Variants in ZFX observed in about 807,000 individuals in gnomAD.
ZFX encodes zinc finger protein X-linked.
For synonymous variants in ZFX, 196 were observed against 226.8 expected, an observed-to-expected ratio of 0.86 and a Z score of 1.22; for missense variants, 362 against 628.3, an observed-to-expected ratio of 0.58 and a Z score of 4.53.
chrX:24,180,389 T>C (rs1462828534), intron 5 of ZFX, among the ~76,000 whole-genome samples: 4 of 109,248 alleles, frequency 3.7e-5, no homozygotes, highest in Non-Finnish European at 7.6e-5. Context: ...CTTACTTTTT[T>C]TTTTTTTTCG....
At chrX:24,200,500 C>T (rs926089783) in intron 5 of ZFX, among the ~76,000 whole-genome samples, 4 of 111,711 alleles carry the variant, frequency 3.6e-5, no homozygotes, top group East Asian at 5.6e-4. Flanking sequence ...GGAATGGGAT[C>T]GACTTTGGAG....
intron 3 of ZFX, among the ~76,000 whole-genome samples, chrX:24,155,475 A>G (rs1266117306): frequency 1.8e-5 from 2 of 111,979 alleles, no homozygotes; most frequent in African/African-American, 6.5e-5. Flanking sequence ...AACTGTTTGC[A>G]GTTTCTGAAT....
chrX:24,174,265 G>C (rs1934925408), intron 4 of ZFX, among the ~76,000 whole-genome samples: 1 of 111,000 alleles, frequency 9.0e-6, no homozygotes, highest in Non-Finnish European at 1.9e-5. Flanking sequence ...ATCACACCAG[G>C]TAGCTACCCC....
At chrX:24,204,810 G>A (rs1366592978) in intron 5 of ZFX, among the ~76,000 whole-genome samples, 1 of 111,896 alleles carries the variant, frequency 8.9e-6, no homozygotes, top group Admixed American at 9.5e-5. Context: ...GAAATGTAGA[G>A]AATATTGTAC....
chrX:24,171,561 GAA>G (rs1934600103), intron 3 of ZFX, among the ~76,000 whole-genome samples: 1 of 111,530 alleles, frequency 9.0e-6, no homozygotes, highest in Non-Finnish European at 1.9e-5. Context: ...CCTAGCTTTA[GAA>G]AAATGACTTG....
At chrX:24,163,178 C>T (rs1028452755) in intron 3 of ZFX, among the ~76,000 whole-genome samples, 14 of 102,825 alleles carry the variant, frequency 1.4e-4, no homozygotes, top group African/African-American at 5.0e-4. Context: ...TATTTGGCTC[C>T]ATCCTTGAAT....
intron 1 of ZFX, chrX:24,150,186 G>C (rs1207111700): frequency 9.8e-6 from 1 of 101,631 alleles, no homozygotes; most frequent in South Asian, 4.7e-4. Context: ...CGGTGAGGGG[G>C]GGGGAGGGAC....
rs3838207 is a variant in ZFX at position 24,215,844 on chromosome X, T to TTGTGTG, written c.*4484_*4489dup. ...TTTAAAAGAGAAGGGTTGAAAAAGA[T>TTGTGTG]TGTGTGTGTGTGTGTGTGTGTTTAA... On this transcript the variant is annotated 3_prime_UTR_variant, in exon 10 of 10. Transcript: ENST00000304543. 1.9e-5 allele frequency: 2 copies of TTGTGTG among 105,265 alleles called. No homozygotes were observed. Among genetic ancestry groups the TTGTGTG allele is most frequent in the Admixed American group, 1.0e-4 (1 of 9,624 alleles). The allele number at this position is 105,265 out of a possible 1,213,427, so 8.7% of individuals were successfully genotyped here. A position where few individuals can be genotyped will look rare whatever the true frequency, so the allele number is the denominator to read the frequency against.
intron 1 of ZFX, chrX:24,151,486 GTATT>G (rs754967512): frequency 9.0e-6 from 1 of 111,526 alleles, no homozygotes; most frequent in East Asian, 2.8e-4. Flanking sequence ...TAAACAGTAA[GTATT>G]TACAGTTTGG....
In ZFX at chrX:24,194,740, TA is replaced by T. The variant is rs200842661; in HGVS notation, c.647-12580del. ...CTTGTTTATATCAATTAGCCTACAGTAAAAAATTTTTTTTTTTTTTTTTTGA... is the reference window on the plus strand; with the variant it reads ...CTTGTTTATATCAATTAGCCTACAGTAAAAATTTTTTTTTTTTTTTTTTGA... On this transcript the variant is annotated intron_variant, in intron 5 of 9. Coordinates refer to ENST00000304543, the MANE Select transcript of ZFX (RefSeq NM_003410.4). Among the ~76,000 whole-genome samples, 186 of 105,493 alleles carry T rather than the reference TA, an allele frequency of 1.8e-3. 3 individuals are homozygous for T. Among genetic ancestry groups the T allele is most frequent in the South Asian group, 3.8e-3 (9 of 2,366 alleles). The allele number at this position is 105,493 out of a possible 115,157, so 91.6% of individuals were successfully genotyped here. A position where few individuals can be genotyped will look rare whatever the true frequency, so the allele number is the denominator to read the frequency against.
rs1937794518 is a variant in ZFX at position 24,208,612 on chromosome X, A to C, written c.1093+242A>C. Among the ~76,000 whole-genome samples the C allele has an allele frequency of 2.7e-5, 3 of 112,558 alleles. No individual in the cohort carries two copies. The South Asian group carries it at 1.1e-3, about 41-fold the overall frequency. ...AAGAAGTACACAGGCTTTCAGGCTG[A>C]AAGTTTTCATCTTGATTATGTTTGG... On this transcript the variant is annotated intron_variant, in intron 8 of 9. Transcript: ENST00000304543.
rs902773615 is a variant in ZFX at position 24,195,300 on chromosome X, G to T, written c.647-12026G>T. The stretch of plus-strand genomic sequence containing the variant: ...CTCTGCCTCCCAGGTTCAAGCAATT[G>T]TCCCTGCCTCAGTCTCCTGAGTACC... On this transcript the variant is annotated intron_variant, in intron 5 of 9. Transcript: ENST00000304543. 1.5e-4 allele frequency among the ~76,000 whole-genome samples: 16 copies of T among 106,957 alleles called. No individual in the cohort carries two copies. In the Admixed American group the frequency reaches 1.6e-3, roughly 11 times the overall value. 92.9% of individuals were successfully genotyped at this position (106,957 alleles called of 115,157 possible).
intron 5 of ZFX, among the ~76,000 whole-genome samples, chrX:24,185,056 A>G (rs780301519): frequency 3.7e-4 from 41 of 112,117 alleles, no homozygotes; most frequent in Admixed American, 1.3e-3. Flanking sequence ...CGCTCAAGCA[A>G]TCTTTCCACC....
chrX:24,177,453 C>G (rs1425072012), intron 4 of ZFX, among the ~76,000 whole-genome samples: 3 of 110,802 alleles, frequency 2.7e-5, no homozygotes, highest in East Asian at 2.8e-4. Flanking sequence ...GAGGAACTGC[C>G]TTGGGAGTTC....
intron 3 of ZFX, among the ~76,000 whole-genome samples, chrX:24,163,363 G>GT (rs1402147118): frequency 8.7e-5 from 3 of 34,543 alleles, no homozygotes; most frequent in East Asian, 1.0e-3. Flanking sequence ...ATTTTTGTTA[G>GT]GTTTTTTTTT....
In ZFX at chrX:24,209,608, C is replaced by G. The variant is rs6629818; in HGVS notation, c.1234+568C>G. 0.043 allele frequency among the ~76,000 whole-genome samples: 4,731 copies of G among 111,192 alleles called. 359 individuals are homozygous for G. The East Asian group carries it at 0.48, about 11-fold the overall frequency. ...TTTTTTTTTGAGGCAGAATCTTGCT[C>G]TCTTGCCCAGGCTGGAGTGCAGTGG... On this transcript the variant is annotated intron_variant, in intron 9 of 9. Transcript: ENST00000304543.
chrX:24,170,901 C>A (rs1934540361), intron 3 of ZFX, among the ~76,000 whole-genome samples: 1 of 111,991 alleles, frequency 8.9e-6, no homozygotes, highest in South Asian at 3.7e-4. Flanking sequence ...CGTTAGCCAC[C>A]ATGCCCAGCC....
chrX:24,202,905 A>G (rs1012646495), intron 5 of ZFX, among the ~76,000 whole-genome samples: 10 of 112,030 alleles, frequency 8.9e-5, no homozygotes, highest in African/African-American at 1.6e-4. Flanking sequence ...TGCTGTGTCA[A>G]TGGGAAAGAC....
intron 5 of ZFX, among the ~76,000 whole-genome samples, chrX:24,183,982 A>G (rs1935903747): frequency 1.8e-5 from 2 of 110,553 alleles, no homozygotes; most frequent in Admixed American, 1.9e-4. Context: ...ATCTCGATCG[A>G]ACTCCTGACC....
Sources: allele counts gnomAD v4.1 joint callset (sites outside exome capture counted in the v4.1 genomes callset), GRCh38; gene constraint gnomAD v4.1.1; transcripts MANE v1.5; gene names NCBI Gene and HGNC (gene_info 2026-07-23, HGNC 2026-07-21).